The following KCNQ5 variants were observed in gnomAD, a reference collection of about 807,000 sequenced individuals.
The protein encoded by KCNQ5 is potassium voltage-gated channel subfamily KQT member 5.
A neutral mutation model predicts 98.2 loss-of-function variants in KCNQ5; 30 were observed. That is an observed-to-expected ratio of 0.31 (90% CI 0.23 to 0.41). The LOEUF (loss-of-function observed/expected upper bound fraction) is 0.41, where lower values mean the gene tolerates loss of function less well. Among genes scored for constraint, KCNQ5 ranks in the 10% least tolerant of loss-of-function variants. The pLI is 1.00. For synonymous variants in KCNQ5, 458 were observed against 449.4 expected (o/e 1.02, Z -0.24); for missense variants, 835 against 1,182.5 (o/e 0.71, Z 4.31).
chr6:73,159,993 TTTTGTTTG>T (rs72448817), intron 10 of KCNQ5, among the ~76,000 whole-genome samples: 15 of 136,288 alleles, frequency 1.1e-4, no homozygotes, highest in South Asian at 2.2e-4. Context: ...CTATGGTTTT[TTTTGTTTG>T]TTTGTTTGTT....
At chr6:72,720,426 C>G (rs112928813) in intron 1 of KCNQ5, among the ~76,000 whole-genome samples, 1,755 of 152,152 alleles carry the variant, frequency 0.012, 29 homozygotes, top group African/African-American at 0.039. Context: ...TTGCTTCCTC[C>G]GTGGTTCTCA....
intron 1 of KCNQ5, among the ~76,000 whole-genome samples, chr6:72,838,047 C>G (rs1562015712): frequency 6.6e-6 from 1 of 151,118 alleles, no homozygotes; most frequent in Non-Finnish European, 1.5e-5. Flanking sequence ...TGGTGTGCTG[C>G]ACCCACTAAC....
chr6:73,003,897 T>A lies in KCNQ5; in HGVS notation c.399-11T>A. 6.3e-7 allele frequency: 1 copy of A among 1,577,336 alleles called. No individual in the cohort carries two copies. The highest frequency in any genetic ancestry group is 8.7e-7 in the Non-Finnish European group (1 of 1,147,692). ...GGTTCTTATCAGATTTCTCTTTTTG[T>A]TGTTTTACAGTTTTCTCCTTGTCTT... is the stretch of plus-strand genomic sequence containing the variant. On this transcript the variant is annotated splice_polypyrimidine_tract_variant and intron_variant, in intron 1 of 13. Transcript: ENST00000370398.
intron 3 of KCNQ5, among the ~76,000 whole-genome samples, chr6:73,050,257 GGGAAGGAAGGAAGGAA>G (rs1208611192): frequency 0.016 from 1,233 of 76,308 alleles, 30 homozygotes; most frequent in African/African-American, 0.073. Context: ...GAAGGAAGGA[GGGAAGGAAGGAAGGAA>G]GGAAGGAAGG....
At chr6:73,158,774 C>T (rs1237624844) in intron 10 of KCNQ5, among the ~76,000 whole-genome samples, 2 of 152,122 alleles carry the variant, frequency 1.3e-5, no homozygotes, top group Admixed American at 6.5e-5. Context: ...TACTATTGTA[C>T]ATAGTTATAA....
chr6:73,187,546 A>G (rs1387646062), intron 11 of KCNQ5, among the ~76,000 whole-genome samples: 1 of 152,216 alleles, frequency 6.6e-6, no homozygotes, highest in Non-Finnish European at 1.5e-5. Flanking sequence ...AAAAGGCAAT[A>G]CCACCTGAAG....
At position 72,622,492 on chromosome 6, in the gene KCNQ5, C is replaced by A; in HGVS notation, c.303C>A (p.Ser101Arg). The change falls in exon 1 of 14, where the codon AGC (serine) becomes AGA (arginine). Residue 101 changes from serine to arginine, a missense_variant. Coordinates refer to ENST00000370398, the MANE Select transcript of KCNQ5 (RefSeq NM_019842.4). The surrounding 1 kb of genome is among the most constrained non-coding windows in gnomAD (Gnocchi z 6.0). The stretch of plus-strand genomic sequence containing the variant: ...CGCTCTCTTACACGAGTAGCCAGAG[C>A]TGCCGGCGCAACGTCAAGTACCGGC... ...GKPLSYTSSQSCRRNVKYRRV... is the reference protein window; with the variant it reads ...GKPLSYTSSQRCRRNVKYRRV... 6.2e-7 allele frequency: 1 copy of A among 1,610,182 alleles called. No individual in the cohort carries two copies. The highest frequency in any genetic ancestry group is 1.1e-5 in the South Asian group (1 of 90,936).
intron 1 of KCNQ5, among the ~76,000 whole-genome samples, chr6:72,722,499 A>G (rs994626327): frequency 3.9e-5 from 6 of 152,136 alleles, no homozygotes; most frequent in African/African-American, 1.4e-4. Flanking sequence ...TGCCACAACT[A>G]CCTTGGAGAA....
intron 1 of KCNQ5, among the ~76,000 whole-genome samples, chr6:72,970,135 A>G (rs545480403): frequency 6.6e-6 from 1 of 152,170 alleles, no homozygotes; most frequent in African/African-American, 2.4e-5. Context: ...GGTGTGCACT[A>G]GAAGTTCCAA....
At chr6:72,928,593 A>T (rs1308546923) in intron 1 of KCNQ5, among the ~76,000 whole-genome samples, 1 of 152,114 alleles carries the variant, frequency 6.6e-6, no homozygotes, top group Non-Finnish European at 1.5e-5. Flanking sequence ...GATCTGTGGT[A>T]GCATGGGAAA....
chr6:72,717,688 T>A (rs1318704742), intron 1 of KCNQ5, among the ~76,000 whole-genome samples: 1 of 152,182 alleles, frequency 6.6e-6, no homozygotes, highest in Non-Finnish European at 1.5e-5. Flanking sequence ...AGGCACAACA[T>A]AAATTGAATC....
At chr6:72,663,690 T>C (rs1485716249) in intron 1 of KCNQ5, among the ~76,000 whole-genome samples, 1 of 152,216 alleles carries the variant, frequency 6.6e-6, no homozygotes, top group Non-Finnish European at 1.5e-5. Context: ...CTAAGTATAG[T>C]GCTTTCCCAT....
chr6:72,782,813 G>A (rs76740054), intron 1 of KCNQ5, among the ~76,000 whole-genome samples: 6,579 of 152,050 alleles, frequency 0.043, 443 homozygotes, highest in African/African-American at 0.15. Context: ...GTCTAGACTC[G>A]TAGGCTCTTA....
chr6:72,779,598 C>T (rs1228686092), intron 1 of KCNQ5, among the ~76,000 whole-genome samples: 3 of 151,736 alleles, frequency 2.0e-5, no homozygotes, highest in South Asian at 2.1e-4. Context: ...AAGGAATTAC[C>T]GAGGAAAAAA....
intron 2 of KCNQ5, among the ~76,000 whole-genome samples, chr6:73,017,355 AT>A (rs144112372): frequency 0.084 from 12,852 of 152,136 alleles, 1,820 homozygotes; most frequent in African/African-American, 0.29. Flanking sequence ...TCTCTAAGTC[AT>A]TTTTTTATCT....
At chr6:73,093,010 G>C (rs918308671) in intron 5 of KCNQ5, among the ~76,000 whole-genome samples, 2 of 152,096 alleles carry the variant, frequency 1.3e-5, no homozygotes, top group Non-Finnish European at 2.9e-5. Flanking sequence ...ATGTCTAGTA[G>C]AATTCTGCTG....
chr6:72,664,396 G>A (rs1766686618), intron 1 of KCNQ5, among the ~76,000 whole-genome samples: 1 of 152,160 alleles, frequency 6.6e-6, no homozygotes, highest in Admixed American at 6.5e-5. Flanking sequence ...GCTCATCCCT[G>A]TAATCCCAGC....
chr6:72,838,746 C>G (rs1440139305), intron 1 of KCNQ5, among the ~76,000 whole-genome samples: 1 of 151,386 alleles, frequency 6.6e-6, no homozygotes. Flanking sequence ...GTCAGGAGAT[C>G]GAGACCATCC....
intron 1 of KCNQ5, among the ~76,000 whole-genome samples, chr6:72,800,531 T>C (rs1194316251): frequency 1.3e-5 from 2 of 152,206 alleles, no homozygotes; most frequent in South Asian, 4.1e-4. Context: ...TCTTTATTAG[T>C]CTTGCTAGCG....
Sources: allele counts gnomAD v4.1 joint callset (sites outside exome capture counted in the v4.1 genomes callset), GRCh38; gene constraint gnomAD v4.1.1; non-coding constraint Gnocchi (gnomAD v3.1); transcripts MANE v1.5; gene names NCBI Gene and HGNC (gene_info 2026-07-23, HGNC 2026-07-21).